Variants in TCEA3 observed in about 807,000 individuals in gnomAD.
TCEA3 encodes the protein transcription elongation factor A protein 3.
In TCEA3, 36 loss-of-function variants were observed where a neutral mutation model predicts 44.0. The observed-to-expected ratio is 0.82, with a 90% CI of 0.63 to 1.08. The LOEUF (loss-of-function observed/expected upper bound fraction) is 1.08. Among genes scored for constraint, TCEA3 ranks in the 50% least tolerant of loss-of-function variants. TCEA3 has a pLI of 0.00. For missense variants in TCEA3, 392 were observed against 441.2 expected (o/e 0.89, Z 1.00); for synonymous variants, 162 against 159.7 (o/e 1.01, Z -0.11).
At chr1:23,422,879 T>A (rs1640106107) in intron 1 of TCEA3, among the ~76,000 whole-genome samples, 1 of 152,148 alleles carries the variant, frequency 6.6e-6, no homozygotes, top group Non-Finnish European at 1.5e-5. Flanking sequence ...GCAGGTCCCG[T>A]CCTCTTCAGC....
chr1:23,394,000 T>C lies in TCEA3; in HGVS notation c.698A>G (p.Lys233Arg). ...GCGGCTGCGCACGCGGTTCCGGTAC[T>C]TCATGTCCGTGCTCTTGAGCTCTTG... Reference protein sequence around the residue: ...IYQELKSTDMKYRNRVRSRIS... With the variant: ...IYQELKSTDMRYRNRVRSRIS... Residue 233 changes from lysine to arginine, a missense_variant, in exon 8 of 11, where the codon AAG (lysine) becomes AGG (arginine). By Grantham distance (26) the Lys-to-Arg change is conservative. Coordinates refer to ENST00000450454, the MANE Select transcript of TCEA3 (RefSeq NM_003196.3). The C allele has an allele frequency of 1.2e-6, 2 of 1,614,048 alleles. No individual in the cohort carries two copies. The highest frequency in any genetic ancestry group is 1.7e-6 in the Non-Finnish European group (2 of 1,179,896).
At chr1:23,417,533 C>T in intron 3 of TCEA3, 143 bp from the exon 4 acceptor site, 1 of 1,327,302 alleles carries the variant, frequency 7.5e-7, no homozygotes, top group Admixed American at 2.9e-5. Context: ...CATTTACACA[C>T]AAATGCACAA....
chr1:23,401,828 G>A (rs1336728380), intron 5 of TCEA3, among the ~76,000 whole-genome samples: 1 of 152,134 alleles, frequency 6.6e-6, no homozygotes, highest in East Asian at 1.9e-4. Context: ...CCACACATCA[G>A]GAGGTGGGCC....
At chr1:23,407,523 T>A (rs61777157) in intron 5 of TCEA3, among the ~76,000 whole-genome samples, 16,678 of 151,958 alleles carry the variant, frequency 0.11, 1,092 homozygotes, top group Non-Finnish European at 0.15. Flanking sequence ...CACCCCCACC[T>A]CAGGGCACTT....
At chr1:23,423,474 T>G (rs1464770802) in intron 1 of TCEA3, among the ~76,000 whole-genome samples, 1 of 152,200 alleles carries the variant, frequency 6.6e-6, no homozygotes, top group Admixed American at 6.5e-5. Flanking sequence ...TAGGGCTCCC[T>G]GCCACTTCAT....
In TCEA3 at chr1:23,424,648, C is replaced by A; in HGVS notation, c.-15G>T. ...TCCTGGCCCATGTTGGCCCGCGACG[C>A]CCGGCGGGGCGAGGGGCACAGGGGC... On this transcript the variant is annotated 5_prime_UTR_variant, in exon 1 of 11. Coordinates refer to ENST00000450454, the MANE Select transcript of TCEA3 (RefSeq NM_003196.3). 6.2e-7 allele frequency: 1 copy of A among 1,600,896 alleles called. No individual in the cohort carries two copies. The highest frequency in any genetic ancestry group is 1.1e-5 in the South Asian group (1 of 90,702).
chr1:23,396,613 A>G (rs1392918486), intron 7 of TCEA3, among the ~76,000 whole-genome samples: 1 of 152,222 alleles, frequency 6.6e-6, no homozygotes, highest in Non-Finnish European at 1.5e-5. Flanking sequence ...AAATGGGAAC[A>G]GTCCCTGCCT....
intron 4 of TCEA3, among the ~76,000 whole-genome samples, chr1:23,416,814 T>A (rs371206338): frequency 8.5e-5 from 13 of 152,326 alleles, no homozygotes; most frequent in African/African-American, 2.4e-4. Context: ...TAAGTGGCTA[T>A]TGCCTTTGCT....
intron 8 of TCEA3, 122 bp downstream of exon 8, chr1:23,393,757 G>A: frequency 7.6e-7 from 1 of 1,318,864 alleles, no homozygotes; most frequent in Non-Finnish European, 1.0e-6. Context: ...AGGCTGAGAT[G>A]AGGCTGGTTT....
Position 23,381,293 on chromosome 1 carries a change from G to T in TCEA3, c.*173C>A, listed in dbSNP as rs1184686999. 1.3e-5 allele frequency: 8 copies of T among 628,262 alleles called. No individual in the cohort carries two copies. The highest frequency in any genetic ancestry group is 2.7e-5 in the East Asian group (1 of 37,264). The allele number at this position is 628,262 out of a possible 1,614,324, so 38.9% of individuals were successfully genotyped here. A position where few individuals can be genotyped will look rare whatever the true frequency, so the allele number is the denominator to read the frequency against. On this transcript the variant is annotated 3_prime_UTR_variant, in exon 11 of 11. Transcript: ENST00000450454. The stretch of plus-strand genomic sequence containing the variant: ...AATTAGGCTCCCCCATTAACCAATT[G>T]TTTCTAATGACCGATTATTAATTTG...
intron 5 of TCEA3, among the ~76,000 whole-genome samples, chr1:23,407,518 C>A (rs900587134): frequency 2.0e-5 from 3 of 152,112 alleles, no homozygotes; most frequent in Non-Finnish European, 4.4e-5. Context: ...AGGCACACCC[C>A]CACCTCAGGG....
Position 23,397,796 on chromosome 1 carries a change from C to T in TCEA3, c.603G>A (p.Ala201=), listed in dbSNP as rs1284590852. The stretch of plus-strand genomic sequence containing the variant: ...CCCTAGCCCAGGCTCTCTCACCGTC[C>T]GCCTTCAGGGCTGCTGACAGCATCT... The part of the protein sequence containing the change: ...CVEMLSAALK[A]DDDYKDYGVN... The change falls in exon 6 of 11, where the codon GCG becomes GCA. Residue 201 remains alanine, a synonymous_variant. Coordinates refer to ENST00000450454, the MANE Select transcript of TCEA3 (RefSeq NM_003196.3). 1.5e-5 allele frequency: 24 copies of T among 1,613,892 alleles called. No individual in the cohort carries two copies. Among genetic ancestry groups the T allele is most frequent in the East Asian group, 1.1e-4 (5 of 44,872 alleles).
At chr1:23,385,931 G>A (rs1638822001) in intron 9 of TCEA3, among the ~76,000 whole-genome samples, 1 of 152,212 alleles carries the variant, frequency 6.6e-6, no homozygotes, top group South Asian at 2.1e-4. Flanking sequence ...AAGCCCATCT[G>A]TGGCCTGTGT....
chr1:23,417,476 C>T (rs1027516177), intron 3 of TCEA3, 86 bp from the exon 4 acceptor site: 2 of 1,508,836 alleles, frequency 1.3e-6, no homozygotes, highest in African/African-American at 1.4e-5. Flanking sequence ...GAGCAAAGGG[C>T]AGGGACGAGG....
At chr1:23,386,997 G>A (rs1638861096) in intron 9 of TCEA3, among the ~76,000 whole-genome samples, 1 of 152,188 alleles carries the variant, frequency 6.6e-6, no homozygotes, top group African/African-American at 2.4e-5. Context: ...TGGGATTATA[G>A]GCGTGAGCCA....
intron 4 of TCEA3, among the ~76,000 whole-genome samples, chr1:23,413,436 T>A (rs988603978): frequency 1.3e-5 from 2 of 148,526 alleles, no homozygotes; most frequent in African/African-American, 5.0e-5. Flanking sequence ...CCCATATGTA[T>A]GTTCTTTTTG....
chr1:23,408,290 C>T (rs1270236326), intron 5 of TCEA3, among the ~76,000 whole-genome samples: 3 of 152,150 alleles, frequency 2.0e-5, no homozygotes, highest in Admixed American at 6.6e-5. Flanking sequence ...ACCTCTGTCC[C>T]CACTGGGTTC....
At chr1:23,418,599 A>G (rs34757139) in intron 2 of TCEA3, among the ~76,000 whole-genome samples, 1 of 152,164 alleles carries the variant, frequency 6.6e-6, no homozygotes, top group African/African-American at 2.4e-5. Context: ...GGTATGAGCC[A>G]CCGTGGCCAG....
chr1:23,394,401 G>A (rs956497643), intron 7 of TCEA3, among the ~76,000 whole-genome samples: 20 of 152,136 alleles, frequency 1.3e-4, no homozygotes, highest in Admixed American at 3.9e-4. Flanking sequence ...GCTAAGCCAC[G>A]TGATGCACTA....
Sources: allele counts gnomAD v4.1 joint callset (sites outside exome capture counted in the v4.1 genomes callset), GRCh38; gene constraint gnomAD v4.1.1; transcripts MANE v1.5; gene names NCBI Gene and HGNC (gene_info 2026-07-23, HGNC 2026-07-21).